PHACTR1: variants seen among roughly 807,000 people sequenced by gnomAD.
The protein encoded by PHACTR1 is RPEL repeat containing 1.
Under a neutral mutation model 69.2 loss-of-function variants are expected in PHACTR1, and 16 were observed. The observed-to-expected ratio is 0.23, with a 90% confidence interval of 0.16 to 0.35. The LOEUF (loss-of-function observed/expected upper bound fraction) is 0.35. PHACTR1 is among the 10% of genes least tolerant of loss of function. The probability of loss-of-function intolerance (pLI) is 1.00; values close to 1 mark genes in which losing one functional copy is unlikely to be tolerated. For missense variants in PHACTR1, 510 were observed against 734.7 expected, an observed-to-expected ratio of 0.69 and a Z score of 3.54; for synonymous variants, 312 against 284.5, an observed-to-expected ratio of 1.10 and a Z score of -0.97.
intron 4 of PHACTR1, among the ~76,000 whole-genome samples, chr6:12,978,401 C>T (rs1795134422): frequency 6.6e-6 from 1 of 152,174 alleles, no homozygotes; most frequent in Non-Finnish European, 1.5e-5. Flanking sequence ...ACGTCCACAC[C>T]CCAGCCACTC....
At chr6:12,836,711 C>T (rs1778210059) in intron 4 of PHACTR1, among the ~76,000 whole-genome samples, 1 of 152,142 alleles carries the variant, frequency 6.6e-6, no homozygotes, top group Non-Finnish European at 1.5e-5. Flanking sequence ...TGTTTGGTGC[C>T]TGTTGTCCTA....
At chr6:12,946,400 G>A (rs1044643186) in intron 4 of PHACTR1, among the ~76,000 whole-genome samples, 3 of 152,136 alleles carry the variant, frequency 2.0e-5, no homozygotes, top group Admixed American at 6.5e-5. Context: ...AATTCTGGTG[G>A]CGGTGTGAAA....
At chr6:13,159,573 C>T (rs545562576) in intron 5 of PHACTR1, among the ~76,000 whole-genome samples, 4 of 152,280 alleles carry the variant, frequency 2.6e-5, no homozygotes, top group South Asian at 2.1e-4. Flanking sequence ...TACTCAATAG[C>T]GATGTGACTC....
rs1295900349 is a variant in PHACTR1 at position 12,764,800 on chromosome 6, GA to G, written c.250+15012del. Reference sequence around the variant, plus strand: ...GATTTGCAATCTATCATCATGCATAGAAGGAGAAAATGTCTAGAGGTCATGG... The same window carrying G: ...GATTTGCAATCTATCATCATGCATAGAGGAGAAAATGTCTAGAGGTCATGG... On this transcript the variant is annotated intron_variant, in intron 4 of 14. Coordinates refer to ENST00000332995, the MANE Select transcript of PHACTR1 (RefSeq NM_030948.6). 3.3e-5 allele frequency among the ~76,000 whole-genome samples: 5 copies of G among 152,236 alleles called. No homozygotes were observed. The East Asian group carries it at 7.7e-4, about 24-fold the overall frequency.
chr6:12,943,252 G>A (rs1210956847), intron 4 of PHACTR1, among the ~76,000 whole-genome samples: 5 of 152,330 alleles, frequency 3.3e-5, no homozygotes, highest in African/African-American at 1.2e-4. Flanking sequence ...ACTATGCCAA[G>A]AGAAAGAAGC....
At chr6:12,864,702 G>C (rs1281779040) in intron 4 of PHACTR1, among the ~76,000 whole-genome samples, 2 of 149,348 alleles carry the variant, frequency 1.3e-5, no homozygotes, top group Non-Finnish European at 3.0e-5. Flanking sequence ...AAAAAAAACA[G>C]AAGGAAATCA....
At chr6:12,722,845 A>G (rs896829713) in intron 3 of PHACTR1, among the ~76,000 whole-genome samples, 9 of 152,174 alleles carry the variant, frequency 5.9e-5, no homozygotes, top group East Asian at 3.9e-4. Context: ...TCGTTTGCCA[A>G]TGGTAAATCC....
intron 8 of PHACTR1, among the ~76,000 whole-genome samples, chr6:13,207,943 G>A (rs1303060720): frequency 1.3e-5 from 2 of 152,060 alleles, no homozygotes; most frequent in African/African-American, 4.8e-5. Context: ...TCTGCATTTG[G>A]GAAAGGAGTG....
chr6:12,899,204 A>G (rs1582372208), intron 4 of PHACTR1, among the ~76,000 whole-genome samples: 1 of 152,178 alleles, frequency 6.6e-6, no homozygotes, highest in African/African-American at 2.4e-5. Flanking sequence ...GAGGGGCCAA[A>G]TCTTATTCAT....
chr6:13,202,967 C>T (rs955474832), intron 7 of PHACTR1, among the ~76,000 whole-genome samples: 4 of 152,196 alleles, frequency 2.6e-5, no homozygotes, highest in South Asian at 2.1e-4. Context: ...AATGAACATG[C>T]GGAAGCCTGT....
At chr6:13,159,526 C>A (rs1476121536) in intron 5 of PHACTR1, among the ~76,000 whole-genome samples, 1 of 152,208 alleles carries the variant, frequency 6.6e-6, no homozygotes, top group Admixed American at 6.5e-5. Context: ...TGGCTGACAT[C>A]CAAGGTGGCA....
chr6:13,048,157 A>C (rs1805369378), intron 4 of PHACTR1, among the ~76,000 whole-genome samples: 1 of 152,130 alleles, frequency 6.6e-6, no homozygotes, highest in Non-Finnish European at 1.5e-5. Context: ...GTTCTCTTGG[A>C]TGGTAGAGCA....
chr6:13,081,098 T>G (rs1811303794), intron 5 of PHACTR1, among the ~76,000 whole-genome samples: 1 of 152,178 alleles, frequency 6.6e-6, no homozygotes, highest in African/African-American at 2.4e-5. Context: ...ATAAAAACCC[T>G]AAAAGTGTCA....
chr6:12,768,567 A>G lies in PHACTR1; in HGVS notation c.250+18777A>G, dbSNP rs193203380. 4.6e-5 allele frequency among the ~76,000 whole-genome samples: 7 copies of G among 151,374 alleles called. No individual in the cohort carries two copies. In the South Asian group the frequency reaches 6.3e-4, roughly 14 times the overall value. On this transcript the variant is annotated intron_variant, in intron 4 of 14. Coordinates refer to ENST00000332995, the MANE Select transcript of PHACTR1 (RefSeq NM_030948.6). ...GGGTGGATTAGTATGAAGGGGCAACATTTTTTTTCATCTGTAGCTGGGCAT... is the reference window on the plus strand; with the variant it reads ...GGGTGGATTAGTATGAAGGGGCAACGTTTTTTTTCATCTGTAGCTGGGCAT...
chr6:13,007,564 A>G (rs1798939635), intron 4 of PHACTR1, among the ~76,000 whole-genome samples: 2 of 152,066 alleles, frequency 1.3e-5, no homozygotes, highest in African/African-American at 4.8e-5. Context: ...ATGTTACAAG[A>G]CTTTGCAGAA....
chr6:13,242,796 C>T (rs1773038229), intron 10 of PHACTR1, among the ~76,000 whole-genome samples: 1 of 152,142 alleles, frequency 6.6e-6, no homozygotes, highest in South Asian at 2.1e-4. Flanking sequence ...GTTAAATTTC[C>T]AGGGAAACAA....
intron 4 of PHACTR1, chr6:12,957,483 A>G (rs115174484): frequency 4.7e-4 from 467 of 985,472 alleles, no homozygotes; most frequent in Middle Eastern, 3.1e-3. Flanking sequence ...TCCAATGTCA[A>G]GTAAAACGCA....
chr6:13,087,531 C>T (rs1812507314), intron 5 of PHACTR1, among the ~76,000 whole-genome samples: 1 of 151,924 alleles, frequency 6.6e-6, no homozygotes, highest in South Asian at 2.1e-4. Flanking sequence ...TAACTTACTG[C>T]CTGACCATAT....
chr6:13,149,441 A>G (rs1823963622), intron 5 of PHACTR1, among the ~76,000 whole-genome samples: 2 of 152,156 alleles, frequency 1.3e-5, no homozygotes, highest in Non-Finnish European at 2.9e-5. Context: ...GCAAAAACAG[A>G]CTTTAGAAAG....
Sources: gnomAD v4.1 joint callset for allele counts (sites outside exome capture counted in the v4.1 genomes callset) on GRCh38, gnomAD v4.1.1 for gene constraint, MANE v1.5 for transcripts, NCBI Gene and HGNC (gene_info 2026-07-23, HGNC 2026-07-21) for gene names.